NECTIN1: variants seen among roughly 807,000 people sequenced by gnomAD.
The protein encoded by NECTIN1 is nectin-1.
Under a neutral mutation model 48.0 loss-of-function variants are expected in NECTIN1, and 23 were observed. The ratio of observed to expected loss-of-function variants is 0.48; its 90% CI spans 0.34 to 0.68. The LOEUF (loss-of-function observed/expected upper bound fraction) is 0.68, where lower values mean the gene tolerates loss of function less well. NECTIN1 is among the 30% of genes least tolerant of loss of function. The pLI is 0.01. For synonymous variants in NECTIN1, 270 were observed against 288.9 expected, an observed-to-expected ratio of 0.93 and a Z score of 0.66; for missense variants, 591 against 709.9, an observed-to-expected ratio of 0.83 and a Z score of 1.90.
chr11:119,675,459 T>C (rs532193503), intron 4 of NECTIN1, 149 bp from the exon 5 acceptor site: 3 of 708,004 alleles, frequency 4.2e-6, no homozygotes, highest in Non-Finnish European at 7.2e-6. Flanking sequence ...ATAATAATAA[T>C]AATCTCTTTC....
rs1864895200 is a variant in NECTIN1 at position 119,673,579 on chromosome 11, C to T, written c.1003+1580G>A. 2.0e-5 allele frequency among the ~76,000 whole-genome samples: 3 copies of T among 152,200 alleles called. No individual in the cohort carries two copies. The highest frequency in any genetic ancestry group is 1.3e-4 in the Admixed American group (2 of 15,284). On this transcript the variant is annotated intron_variant, in intron 5 of 5. Transcript: ENST00000264025. The surrounding 1 kb of genome is among the most constrained non-coding windows in gnomAD (Gnocchi z 5.8). ...AGCCAAGGCTCAGAGAGGTGAAGCA[C>T]TTGCTCAAGGCCACACAGCTAGGAA...
intron 5 of NECTIN1, among the ~76,000 whole-genome samples, chr11:119,644,438 C>T (rs773062747): frequency 2.0e-5 from 3 of 152,196 alleles, no homozygotes; most frequent in Non-Finnish European, 4.4e-5. Context: ...TCCTGCACCC[C>T]AGGCTTCCCT....
chr11:119,674,880 C>A (rs555919999), intron 5 of NECTIN1, among the ~76,000 whole-genome samples: 1 of 152,180 alleles, frequency 6.6e-6, no homozygotes, highest in Admixed American at 6.5e-5. Flanking sequence ...GTTCTATTGG[C>A]CCCCAAAACA....
At chr11:119,717,436 G>A (rs1865760945) in intron 1 of NECTIN1, among the ~76,000 whole-genome samples, 1 of 152,188 alleles carries the variant, frequency 6.6e-6, no homozygotes, top group Non-Finnish European at 1.5e-5. Flanking sequence ...CGGCAGGGCT[G>A]GCCACCCTGC....
chr11:119,649,772 T>C (rs916358764), intron 5 of NECTIN1, among the ~76,000 whole-genome samples: 6 of 152,208 alleles, frequency 3.9e-5, no homozygotes, highest in African/African-American at 1.2e-4. Flanking sequence ...CTGGAGCACC[T>C]ATTTCTTCTC....
At chr11:119,651,430 T>TGG (rs879824149) in intron 5 of NECTIN1, among the ~76,000 whole-genome samples, 1 of 151,616 alleles carries the variant, frequency 6.6e-6, no homozygotes, top group East Asian at 1.9e-4. Context: ...CAGTCTTTCT[T>TGG]GGGGGGGGTC....
At position 119,664,436 on chromosome 11, in the gene NECTIN1, A is replaced by C; in HGVS notation, c.*311T>G. ...CCAAACCCTGGAGGGATGCCCAGGT[A>C]CACAAGACGAGAACAGGGCTCCCTA... On this transcript the variant is annotated 3_prime_UTR_variant, in exon 6 of 6. Transcript: ENST00000264025. 3 of 1,142,282 alleles carry C rather than the reference A, an allele frequency of 2.6e-6. No individual in the cohort carries two copies. The highest frequency in any genetic ancestry group is 4.9e-5 in the East Asian group (1 of 20,578). The allele number at this position is 1,142,282 out of a possible 1,614,324, so 70.8% of individuals were successfully genotyped here.
At chr11:119,688,499 C>A (rs1157985876) in intron 1 of NECTIN1, among the ~76,000 whole-genome samples, 1 of 152,140 alleles carries the variant, frequency 6.6e-6, no homozygotes, top group Non-Finnish European at 1.5e-5. Flanking sequence ...TTAGCAAGAT[C>A]CCTGGCCTCT....
At position 119,675,304 on chromosome 11, in the gene NECTIN1, A is replaced by G. The variant is rs771733439; in HGVS notation, c.858T>C (p.Asn286=). The change falls in exon 5 of 6, where the codon AAT becomes AAC. Residue 286 remains asparagine, a synonymous_variant. Transcript: ENST00000264025. Reference sequence around the variant, plus strand: ...CCTCCACACCCTTGGGGAGAGAGCCATTTAGCCTGTGGGAAGTGGGAGACA... The same window carrying G: ...CCTCCACACCCTTGGGGAGAGAGCCGTTTAGCCTGTGGGAAGTGGGAGACA... ...PATEYHWTTL[N]GSLPKGVEAQ... 1 of 1,614,164 alleles carries G rather than the reference A, an allele frequency of 6.2e-7. No homozygotes were observed. The highest frequency in any genetic ancestry group is 8.5e-7 in the Non-Finnish European group (1 of 1,180,032).
At chr11:119,657,358 A>G (rs1338413136), downstream of NECTIN1, among the ~76,000 whole-genome samples, 1 of 152,122 alleles carries the variant, frequency 6.6e-6, no homozygotes, top group Non-Finnish European at 1.5e-5. Context: ...ACTTATGCCT[A>G]TAATCCCAGC....
chr11:119,714,382 A>C (rs1285383889), intron 1 of NECTIN1, among the ~76,000 whole-genome samples: 1 of 152,158 alleles, frequency 6.6e-6, no homozygotes, highest in African/African-American at 2.4e-5. Flanking sequence ...ACGAAGCAGC[A>C]ACAGGTGACA....
chr11:119,700,546 CA>C (rs1337027044), intron 1 of NECTIN1, among the ~76,000 whole-genome samples: 16 of 152,310 alleles, frequency 1.1e-4, no homozygotes, highest in African/African-American at 3.8e-4. Flanking sequence ...AGCCACCCTC[CA>C]ACAGGCTGCC....
chr11:119,652,362 C>G (rs1322197064), intron 5 of NECTIN1, among the ~76,000 whole-genome samples: 2 of 152,116 alleles, frequency 1.3e-5, no homozygotes, highest in Non-Finnish European at 2.9e-5. Flanking sequence ...TCTCCTCCCC[C>G]TCCTCCTCTG....
intron 5 of NECTIN1, among the ~76,000 whole-genome samples, chr11:119,645,541 T>C (rs1864386341): frequency 6.6e-6 from 1 of 152,110 alleles, no homozygotes; most frequent in Non-Finnish European, 1.5e-5. Flanking sequence ...GGACCAACAG[T>C]GGCCATCCCT....
chr11:119,676,518 G>A (rs1307200964), intron 4 of NECTIN1, among the ~76,000 whole-genome samples: 2 of 152,220 alleles, frequency 1.3e-5, no homozygotes, highest in African/African-American at 2.4e-5. Context: ...CTCTTCTCTG[G>A]GAAGAGCCTT....
intron 1 of NECTIN1, among the ~76,000 whole-genome samples, chr11:119,680,492 G>C (rs1038837489): frequency 2.6e-5 from 4 of 152,178 alleles, no homozygotes; most frequent in African/African-American, 9.7e-5. Flanking sequence ...CCTCCTCAGC[G>C]TGACGGGGAT....
At chr11:119,668,408 C>A (rs1864811470) in intron 5 of NECTIN1, among the ~76,000 whole-genome samples, 1 of 152,262 alleles carries the variant, frequency 6.6e-6, no homozygotes, top group Non-Finnish European at 1.5e-5. Flanking sequence ...GGCTCCCCAA[C>A]TGCCTGTTGG....
Position 119,727,349 on chromosome 11 carries a change from C to G in NECTIN1, c.79+1126G>C, listed in dbSNP as rs2134351600. Among the ~76,000 whole-genome samples the G allele has an allele frequency of 6.6e-6, 1 of 152,292 alleles. No homozygotes were observed. The highest frequency in any genetic ancestry group is 6.5e-5 in the Admixed American group (1 of 15,296). ...TCTGTACACTGACCCCCTATTCTGC[C>G]ACCCCAAGGCGGGGACCACGTGCTC... On this transcript the variant is annotated intron_variant, in intron 1 of 5. Coordinates refer to ENST00000264025, the MANE Select transcript of NECTIN1 (RefSeq NM_002855.5). This position sits in a 1 kb window ranked among gnomAD's most constrained non-coding sequence, Gnocchi z 4.1.
At chr11:119,690,627 A>G (rs1865237505) in intron 1 of NECTIN1, among the ~76,000 whole-genome samples, 1 of 152,232 alleles carries the variant, frequency 6.6e-6, no homozygotes, top group South Asian at 2.1e-4. Flanking sequence ...TCAGGGCCTC[A>G]GGACTGCTGG....
Sources: allele counts gnomAD v4.1 joint callset (sites outside exome capture counted in the v4.1 genomes callset), GRCh38; gene constraint gnomAD v4.1.1; non-coding constraint Gnocchi (gnomAD v3.1); transcripts MANE v1.5; gene names NCBI Gene and HGNC (gene_info 2026-07-23, HGNC 2026-07-21).